TAF3: variants seen among roughly 807,000 people sequenced by gnomAD.
TAF3 encodes the protein transcription initiation factor TFIID subunit 3.
Under a neutral mutation model 80.6 loss-of-function variants are expected in TAF3, and 7 were observed. The ratio of observed to expected loss-of-function variants is 0.09; its 90% CI spans 0.05 to 0.16. TAF3 has a LOEUF of 0.16. TAF3 is among the 10% of genes least tolerant of loss of function. TAF3 has a pLI of 1.00. For synonymous variants in TAF3, 444 were observed against 446.1 expected, an observed-to-expected ratio of 1.00 and a Z score of 0.06; for missense variants, 921 against 1,140.2, an observed-to-expected ratio of 0.81 and a Z score of 2.77.
At chr10:7,904,109 C>T (rs1377832264) in intron 2 of TAF3, among the ~76,000 whole-genome samples, 3 of 152,034 alleles carry the variant, frequency 2.0e-5, no homozygotes, top group Non-Finnish European at 4.4e-5. Context: ...TTAGAGAGGC[C>T]GTGAACTTCA....
chr10:7,819,493 T>C (rs1836668361), intron 1 of TAF3, among the ~76,000 whole-genome samples: 1 of 152,194 alleles, frequency 6.6e-6, no homozygotes, highest in African/African-American at 2.4e-5. Flanking sequence ...CGGTTACCAG[T>C]GAGATGTCAG....
At chr10:7,931,542 C>T (rs757512887) in intron 2 of TAF3, among the ~76,000 whole-genome samples, 6 of 152,148 alleles carry the variant, frequency 3.9e-5, no homozygotes, top group Non-Finnish European at 8.8e-5. Context: ...TTCTACACTT[C>T]TGACATAATG....
At chr10:7,899,409 C>T (rs1837537808) in intron 2 of TAF3, among the ~76,000 whole-genome samples, 1 of 152,194 alleles carries the variant, frequency 6.6e-6, no homozygotes, top group East Asian at 1.9e-4. Context: ...GGACCTGGCG[C>T]CTCTGATCCC....
chr10:7,860,475 A>G (rs558109417), intron 2 of TAF3, among the ~76,000 whole-genome samples: 18 of 152,194 alleles, frequency 1.2e-4, no homozygotes, highest in Non-Finnish European at 2.2e-4. Context: ...CACATTTTAT[A>G]TGTATTATTT....
intron 4 of TAF3, among the ~76,000 whole-genome samples, chr10:7,996,070 G>T (rs1191338551): frequency 6.6e-6 from 1 of 152,216 alleles, no homozygotes; most frequent in Non-Finnish European, 1.5e-5. Flanking sequence ...AACACCTGGT[G>T]TGTTAGTTTT....
chr10:7,966,860 A>ATATAAATATAT (rs2131414284), intron 3 of TAF3, among the ~76,000 whole-genome samples: 1 of 152,350 alleles, frequency 6.6e-6, no homozygotes, highest in African/African-American at 2.4e-5. Context: ...TGGCTATCCT[A>ATATAAATATAT]AAATATAAAA....
intron 2 of TAF3, among the ~76,000 whole-genome samples, chr10:7,885,335 T>C (rs1478270930): frequency 2.0e-5 from 3 of 152,154 alleles, no homozygotes; most frequent in African/African-American, 7.2e-5. Flanking sequence ...AGTGAGGTTA[T>C]TTATTTGAAA....
intron 2 of TAF3, among the ~76,000 whole-genome samples, chr10:7,863,712 TATATATACAC>T (rs1837178562): frequency 9.1e-6 from 1 of 109,592 alleles, no homozygotes; most frequent in African/African-American, 3.4e-5. Context: ...TATACACATA[TATATATACAC>T]ATATATATAT....
intron 4 of TAF3, among the ~76,000 whole-genome samples, chr10:7,986,913 A>G (rs1831784179): frequency 1.3e-5 from 2 of 152,216 alleles, no homozygotes; most frequent in Non-Finnish European, 2.9e-5. Context: ...TTCAAAGAAC[A>G]GATTAACTGC....
chr10:7,830,735 C>T (rs573641629), intron 2 of TAF3, among the ~76,000 whole-genome samples: 26 of 152,242 alleles, frequency 1.7e-4, no homozygotes, highest in Middle Eastern at 3.4e-3. Flanking sequence ...CCGCCAGCCT[C>T]GGCCTCCCAA....
chr10:7,883,989 C>A (rs950100787), intron 2 of TAF3, among the ~76,000 whole-genome samples: 7 of 152,060 alleles, frequency 4.6e-5, no homozygotes, highest in African/African-American at 1.2e-4. Context: ...TGCCCAGGAC[C>A]CTCGTCTTCT....
At chr10:7,949,904 G>A (rs1381532262) in intron 2 of TAF3, among the ~76,000 whole-genome samples, 1 of 152,180 alleles carries the variant, frequency 6.6e-6, no homozygotes, top group Non-Finnish European at 1.5e-5. Context: ...CATCACCACT[G>A]CCTGTCCAAT....
intron 2 of TAF3, among the ~76,000 whole-genome samples, chr10:7,829,011 CAG>C (rs1836771426): frequency 9.4e-6 from 1 of 106,858 alleles, no homozygotes; most frequent in Non-Finnish European, 1.7e-5. Context: ...GCCTGGGTGA[CAG>C]AGTGAGACTC....
chr10:7,871,460 T>TTTTTTTTTTTTTTTTTTTTTTTTTA (rs1837265584), intron 2 of TAF3, among the ~76,000 whole-genome samples: 1 of 83,384 alleles, frequency 1.2e-5, no homozygotes, highest in Non-Finnish European at 2.5e-5. Flanking sequence ...TTTTTTTTTT[T>TTTTTTTTTTTTTTTTTTTTTTTTTA]GAGACGGAGT....
intron 2 of TAF3, among the ~76,000 whole-genome samples, chr10:7,839,171 G>A (rs140952204): frequency 6.6e-6 from 1 of 151,992 alleles, no homozygotes; most frequent in Admixed American, 6.6e-5. Flanking sequence ...AAATAACTAT[G>A]TACCTGGGTC....
intron 2 of TAF3, among the ~76,000 whole-genome samples, chr10:7,902,018 C>CT (rs1428219974): frequency 1.3e-5 from 2 of 152,142 alleles, no homozygotes; most frequent in African/African-American, 4.8e-5. Context: ...ACTGAGAGTA[C>CT]TGGCAGACAC....
intron 2 of TAF3, among the ~76,000 whole-genome samples, chr10:7,889,309 A>G (rs1588540072): frequency 6.6e-6 from 1 of 152,310 alleles, no homozygotes; most frequent in South Asian, 2.1e-4. Flanking sequence ...CTTTGGTTAT[A>G]ACAAAAGCAA....
At chr10:7,968,898 G>A (rs1438103521) in intron 3 of TAF3, among the ~76,000 whole-genome samples, 1 of 152,206 alleles carries the variant, frequency 6.6e-6, no homozygotes, top group Admixed American at 6.5e-5. Flanking sequence ...GATAAATCCA[G>A]AGAGTGGTGA....
chr10:7,827,598 A>G (rs1317488607), intron 2 of TAF3, among the ~76,000 whole-genome samples: 3 of 151,972 alleles, frequency 2.0e-5, no homozygotes, highest in Non-Finnish European at 4.4e-5. Flanking sequence ...TGGCTAACAC[A>G]GTGAAACCCC....
Sources: allele counts gnomAD v4.1 joint callset (sites outside exome capture counted in the v4.1 genomes callset), GRCh38; gene constraint gnomAD v4.1.1; transcripts MANE v1.5; gene names NCBI Gene and HGNC (gene_info 2026-07-23, HGNC 2026-07-21).